GALNT13: variants seen among roughly 807,000 people sequenced by gnomAD.
GALNT13 encodes polypeptide N-acetylgalactosaminyltransferase 13, also known as UDP-GalNAc:polypeptide N-acetylgalactosaminyltransferase 13.
GALNT13 carries 28 observed loss-of-function variants against 64.2 expected under a neutral mutation model. The observed-to-expected ratio is 0.44, with a 90% confidence interval of 0.32 to 0.60. The LOEUF is 0.60. GALNT13 is among the 20% of genes least tolerant of loss of function. The pLI, the probability that GALNT13 is intolerant of heterozygous loss-of-function variation, is 0.05. For synonymous variants in GALNT13, 214 were observed against 224.6 expected, an observed-to-expected ratio of 0.95 and a Z score of 0.42; for missense variants, 577 against 669.8, an observed-to-expected ratio of 0.86 and a Z score of 1.53.
chr2:153,361,829 G>T, the GALNT13 span, among the ~76,000 whole-genome samples: 3 of 152,182 alleles, frequency 2.0e-5, no homozygotes, highest in South Asian at 6.2e-4. Flanking sequence ...AACTTCCCCA[G>T]CCTAGCAAGG....
At chr2:153,834,314 G>C in the GALNT13 span, among the ~76,000 whole-genome samples, 3 of 151,996 alleles carry the variant, frequency 2.0e-5, no homozygotes, top group Admixed American at 6.6e-5. Context: ...AATGAAGGAG[G>C]CCAGATTAAA....
At chr2:153,126,051 C>T in the GALNT13 span, among the ~76,000 whole-genome samples, 1 of 151,604 alleles carries the variant, frequency 6.6e-6, no homozygotes, top group Non-Finnish European at 1.5e-5. Flanking sequence ...ATCAAAAGAC[C>T]TATAAATGCT....
intron 10 of GALNT13, among the ~76,000 whole-genome samples, chr2:154,397,488 A>G (rs1053294589): frequency 2.6e-5 from 4 of 152,204 alleles, no homozygotes; most frequent in Non-Finnish European, 5.9e-5. Flanking sequence ...ATTATCAAGT[A>G]AACATATTCT....
chr2:154,233,037 CAAAAAAA>C (rs375484057), intron 4 of GALNT13, among the ~76,000 whole-genome samples: 5 of 59,070 alleles, frequency 8.5e-5, no homozygotes, highest in East Asian at 5.1e-4. Flanking sequence ...GACCCTGTCT[CAAAAAAA>C]AAAAAAAAAA....
the GALNT13 span, among the ~76,000 whole-genome samples, chr2:153,299,304 C>T: frequency 6.6e-6 from 1 of 152,126 alleles, no homozygotes; most frequent in Non-Finnish European, 1.5e-5. Context: ...TTTAAGAATT[C>T]TGAACTAGGA....
At chr2:153,900,704 T>C (rs922715135) in intron 1 of GALNT13, among the ~76,000 whole-genome samples, 19 of 152,324 alleles carry the variant, frequency 1.2e-4, no homozygotes, top group African/African-American at 4.6e-4. Flanking sequence ...AGACTTCTCT[T>C]ACCTCTTTCT....
the GALNT13 span, among the ~76,000 whole-genome samples, chr2:153,398,471 T>A: frequency 0.83 from 125,107 of 151,264 alleles, 52,673 homozygotes; most frequent in African/African-American, 0.89. Flanking sequence ...TGGTATTTCC[T>A]GTTCTAGATC....
the GALNT13 span, among the ~76,000 whole-genome samples, chr2:153,758,173 G>T: frequency 2.0e-5 from 3 of 151,980 alleles, no homozygotes; most frequent in South Asian, 2.1e-4. Flanking sequence ...CATGAGATGA[G>T]GGTTCAATTT....
chr2:153,682,112 G>T, the GALNT13 span, among the ~76,000 whole-genome samples: 25 of 151,826 alleles, frequency 1.6e-4, no homozygotes, highest in African/African-American at 6.0e-4. Flanking sequence ...TGACTTTGGA[G>T]AATTTTGTTG....
chr2:153,879,857 T>C (rs1171632746), intron 1 of GALNT13, among the ~76,000 whole-genome samples: 1 of 152,178 alleles, frequency 6.6e-6, no homozygotes, highest in Non-Finnish European at 1.5e-5. Flanking sequence ...ATAAATATAA[T>C]TATGAATGGG....
chr2:153,901,541 C>G (rs1449856620), intron 2 of GALNT13, among the ~76,000 whole-genome samples: 1 of 151,936 alleles, frequency 6.6e-6, no homozygotes, highest in Non-Finnish European at 1.5e-5. Flanking sequence ...TAGCTGTATT[C>G]CTAGGTATTT....
chr2:153,770,826 C>T, the GALNT13 span, among the ~76,000 whole-genome samples: 4 of 152,166 alleles, frequency 2.6e-5, no homozygotes, highest in African/African-American at 9.7e-5. Flanking sequence ...CTAGGCAGAC[C>T]CACCTACAGG....
the GALNT13 span, among the ~76,000 whole-genome samples, chr2:153,324,883 C>T: frequency 3.3e-5 from 5 of 152,150 alleles, no homozygotes; most frequent in African/African-American, 1.2e-4. Context: ...ATTCAGTTTG[C>T]CAGTCTTTTA....
At chr2:153,319,157 A>G in the GALNT13 span, among the ~76,000 whole-genome samples, 1 of 152,222 alleles carries the variant, frequency 6.6e-6, no homozygotes, top group Non-Finnish European at 1.5e-5. Context: ...TTTCATCTGT[A>G]AATTGCAAAC....
chr2:153,637,381 G>A, the GALNT13 span, among the ~76,000 whole-genome samples: 1 of 152,130 alleles, frequency 6.6e-6, no homozygotes, highest in African/African-American at 2.4e-5. Context: ...CTTATGCAGT[G>A]GAAATTCCAA....
the GALNT13 span, among the ~76,000 whole-genome samples, chr2:153,557,166 G>C: frequency 6.6e-6 from 1 of 152,020 alleles, no homozygotes; most frequent in African/African-American, 2.4e-5. Context: ...TCTATGTTTA[G>C]ATGTGTTTAG....
the GALNT13 span, among the ~76,000 whole-genome samples, chr2:153,730,267 G>A: frequency 6.6e-6 from 1 of 151,882 alleles, no homozygotes; most frequent in Non-Finnish European, 1.5e-5. Context: ...GCAGAGTAGG[G>A]AAACTAGAAA....
chr2:154,318,740 A>C (rs946852148), intron 9 of GALNT13, among the ~76,000 whole-genome samples: 1 of 150,272 alleles, frequency 6.7e-6, no homozygotes, highest in Non-Finnish European at 1.5e-5. Flanking sequence ...AAAAAAAAAA[A>C]TCGTTAGATT....
chr2:153,478,493 G>A, the GALNT13 span: 1 of 1,611,090 alleles, frequency 6.2e-7, no homozygotes, highest in Non-Finnish European at 8.5e-7. Flanking sequence ...CGCACGGCTC[G>A]CTCCAGCGCC....
Sources: gnomAD v4.1 joint callset for allele counts (sites outside exome capture counted in the v4.1 genomes callset) on GRCh38, gnomAD v4.1.1 for gene constraint, MANE v1.5 for transcripts, NCBI Gene and HGNC (gene_info 2026-07-23, HGNC 2026-07-21) for gene names.